Variants in NBEA observed in about 807,000 individuals in gnomAD.
The protein encoded by NBEA is neurobeachin, also known as lysosomal-trafficking regulator 2.
In NBEA, 44 loss-of-function variants were observed where a neutral mutation model predicts 343.4. The ratio of observed to expected loss-of-function variants is 0.13; its 90% confidence interval spans 0.10 to 0.16. The LOEUF (loss-of-function observed/expected upper bound fraction) is 0.16, where lower values mean the gene tolerates loss of function less well. Among genes scored for constraint, NBEA ranks in the 10% least tolerant of loss-of-function variants. The probability of loss-of-function intolerance (pLI) is 1.00; values close to 1 mark genes in which losing one functional copy is unlikely to be tolerated. For synonymous variants in NBEA, 1,175 were observed against 1,238.7 expected (o/e 0.95, Z 1.08); for missense variants, 2,555 against 3,631.3 (o/e 0.70, Z 7.62).
At chr13:35,246,650 C>T (rs981462854) in intron 34 of NBEA, among the ~76,000 whole-genome samples, 2 of 152,134 alleles carry the variant, frequency 1.3e-5, no homozygotes, top group Non-Finnish European at 2.9e-5. Flanking sequence ...CTTCAGTTCT[C>T]TCAGTCGTGG....
chr13:35,470,919 T>A lies in NBEA; in HGVS notation c.6449-1481T>A, dbSNP rs181043392. On this transcript the variant is annotated intron_variant, in intron 40 of 58. Coordinates refer to ENST00000379939, the MANE Select transcript of NBEA (RefSeq NM_001385012.1). ...TGATCCTTTAAAGTGGTGCTTCAGATCGACTGCCTCTCCCTTTCCAAAGAA... is the reference window on the plus strand; with the variant it reads ...TGATCCTTTAAAGTGGTGCTTCAGAACGACTGCCTCTCCCTTTCCAAAGAA... Among the ~76,000 whole-genome samples, 598 of 152,344 alleles carry A rather than the reference T, an allele frequency of 3.9e-3. 2 individuals carry two copies. Among genetic ancestry groups the A allele is most frequent in the Admixed American group, 6.3e-3 (96 of 15,310 alleles).
At chr13:34,954,645 G>C (rs1245294967) in intron 1 of NBEA, among the ~76,000 whole-genome samples, 2 of 152,130 alleles carry the variant, frequency 1.3e-5, no homozygotes, top group Admixed American at 1.3e-4. Context: ...GACCCCTCAG[G>C]ATACCAAAAT....
At chr13:35,132,461 G>C (rs1372102402) in intron 17 of NBEA, among the ~76,000 whole-genome samples, 3 of 152,094 alleles carry the variant, frequency 2.0e-5, no homozygotes, top group African/African-American at 7.2e-5. Flanking sequence ...TGCCCAGCCA[G>C]TACTATTATT....
chr13:35,219,564 A>G (rs993721004), intron 33 of NBEA, among the ~76,000 whole-genome samples: 4 of 152,138 alleles, frequency 2.6e-5, no homozygotes, highest in African/African-American at 9.7e-5. Context: ...TATACACATG[A>G]TTTATTATAA....
intron 1 of NBEA, among the ~76,000 whole-genome samples, chr13:34,977,774 CAATCACTATTTG>C (rs2152504126): frequency 6.6e-6 from 1 of 152,244 alleles, no homozygotes; most frequent in East Asian, 1.9e-4. Flanking sequence ...ACTAGGCATT[CAATCACTATTTG>C]TAGAAGGACA....
chr13:35,269,531 G>A (rs1417508247), intron 34 of NBEA, among the ~76,000 whole-genome samples: 1 of 152,150 alleles, frequency 6.6e-6, no homozygotes, highest in Non-Finnish European at 1.5e-5. Flanking sequence ...GGAAGATTAG[G>A]AACAGACCAC....
intron 41 of NBEA, among the ~76,000 whole-genome samples, chr13:35,494,752 G>A (rs772261336): frequency 8.5e-5 from 13 of 152,086 alleles, no homozygotes; most frequent in South Asian, 6.2e-4. Flanking sequence ...CAGTGGCTCC[G>A]TAATTTCAGC....
At chr13:34,984,060 T>C (rs2060459069) in intron 1 of NBEA, among the ~76,000 whole-genome samples, 1 of 152,200 alleles carries the variant, frequency 6.6e-6, no homozygotes, top group African/African-American at 2.4e-5. Context: ...TTTGTCAATT[T>C]TGGCTTTTGT....
chr13:35,308,635 GAT>G lies in NBEA; in HGVS notation c.5839-884_5839-883del, dbSNP rs111725966. ...ATATATATATGCACACACACACACAGATATATATATGTATTTAAAACCCCATA... is the reference window on the plus strand; with the variant it reads ...ATATATATATGCACACACACACACAGATATATATGTATTTAAAACCCCATA... On this transcript the variant is annotated intron_variant, in intron 35 of 58. Transcript: ENST00000379939. 3.8e-3 allele frequency among the ~76,000 whole-genome samples: 508 copies of G among 134,040 alleles called. 1 individual carries two copies. Among genetic ancestry groups the G allele is most frequent in the African/African-American group, 0.013 (467 of 35,608 alleles). The allele number at this position is 134,040 out of a possible 152,430, so 87.9% of individuals were successfully genotyped here.
At chr13:35,015,046 C>A (rs985037602) in intron 1 of NBEA, among the ~76,000 whole-genome samples, 1 of 149,230 alleles carries the variant, frequency 6.7e-6, no homozygotes, top group African/African-American at 2.5e-5. Context: ...CCAGCACTGA[C>A]CCCAGAGCCC....
chr13:35,421,998 A>T (rs947121983), intron 38 of NBEA, among the ~76,000 whole-genome samples: 1 of 151,328 alleles, frequency 6.6e-6, no homozygotes, highest in Non-Finnish European at 1.5e-5. Flanking sequence ...ACTTCCATGG[A>T]TTTATCATGT....
At chr13:35,115,620 C>G (rs771767044) in intron 13 of NBEA, among the ~76,000 whole-genome samples, 1 of 152,002 alleles carries the variant, frequency 6.6e-6, no homozygotes, top group Non-Finnish European at 1.5e-5. Context: ...TTTCTTCATT[C>G]AATTTTATAT....
At chr13:35,041,873 A>T (rs182172035) in intron 2 of NBEA, among the ~76,000 whole-genome samples, 1 of 152,006 alleles carries the variant, frequency 6.6e-6, no homozygotes, top group Admixed American at 6.6e-5. Context: ...AGCAAATATC[A>T]TTCCAGAAAA....
intron 34 of NBEA, among the ~76,000 whole-genome samples, chr13:35,270,576 A>G (rs1260933808): frequency 6.6e-6 from 1 of 152,190 alleles, no homozygotes; most frequent in Admixed American, 6.5e-5. Context: ...TTTCCTAGCC[A>G]AGGGAAGCCA....
At position 35,647,645 on chromosome 13, in the gene NBEA, C is replaced by T. The variant is rs374558110; in HGVS notation, c.7770+1297C>T. On this transcript the variant is annotated intron_variant, in intron 51 of 58. Transcript: ENST00000379939. ...GCAGTGGCGCAATCTCAGCTCACTG[C>T]AACCTTCGCCTCCCTGGTTCAAGCA... 9.9e-5 allele frequency among the ~76,000 whole-genome samples: 15 copies of T among 152,262 alleles called. No individual in the cohort carries two copies. In the East Asian group the frequency reaches 1.7e-3, roughly 18 times the overall value.
chr13:35,380,408 G>T (rs1437914537), intron 38 of NBEA, among the ~76,000 whole-genome samples: 1 of 152,030 alleles, frequency 6.6e-6, no homozygotes, highest in African/African-American at 2.4e-5. Flanking sequence ...TCACGCCACT[G>T]CACTCCAGCC....
intron 1 of NBEA, among the ~76,000 whole-genome samples, chr13:35,014,198 T>C (rs1188571558): frequency 6.6e-6 from 1 of 152,202 alleles, no homozygotes; most frequent in African/African-American, 2.4e-5. Flanking sequence ...GAGAACATTA[T>C]TTTGTTGTTC....
intron 34 of NBEA, among the ~76,000 whole-genome samples, chr13:35,236,762 CTT>C (rs573686467): frequency 1.4e-5 from 2 of 146,166 alleles, no homozygotes. Context: ...GGCCTAAACC[CTT>C]TTTTTTTTTA....
chr13:34,994,357 G>A (rs764437331), intron 1 of NBEA, among the ~76,000 whole-genome samples: 5 of 151,844 alleles, frequency 3.3e-5, no homozygotes, highest in Admixed American at 6.6e-5. Context: ...TAATAAATGG[G>A]AAAATTAAAA....
Sources: gnomAD v4.1 joint callset for allele counts (sites outside exome capture counted in the v4.1 genomes callset) on GRCh38, gnomAD v4.1.1 for gene constraint, MANE v1.5 for transcripts, NCBI Gene and HGNC (gene_info 2026-07-23, HGNC 2026-07-21) for gene names.